The following IQCH variants were observed in gnomAD, a reference collection of about 807,000 sequenced individuals.
IQCH encodes the protein IQ motif containing H.
IQCH carries 98 observed loss-of-function variants against 117.0 expected under a neutral mutation model. The ratio of observed to expected loss-of-function variants is 0.84; its 90% CI spans 0.71 to 0.99. IQCH has a LOEUF of 0.99. Ranked by LOEUF, IQCH falls within the 50% of genes least tolerant of loss-of-function variation. IQCH has a pLI of 0.00. For synonymous variants in IQCH, 412 were observed against 448.2 expected, an observed-to-expected ratio of 0.92 and a Z score of 1.02; for missense variants, 1,102 against 1,243.8, an observed-to-expected ratio of 0.89 and a Z score of 1.72.
At chr15:67,274,352 C>G (rs1003880413) in intron 3 of IQCH, among the ~76,000 whole-genome samples, 1 of 152,042 alleles carries the variant, frequency 6.6e-6, no homozygotes, top group Non-Finnish European at 1.5e-5. Flanking sequence ...GATCTTCATT[C>G]CTTTTTATAT....
At chr15:67,317,247 C>T (rs1238250783) in intron 4 of IQCH, among the ~76,000 whole-genome samples, 3 of 152,128 alleles carry the variant, frequency 2.0e-5, no homozygotes, top group South Asian at 4.2e-4. Context: ...GAGTCTCACT[C>T]TGTAGCCCAG....
In IQCH at chr15:67,447,660, G is replaced by A. The variant is rs1450573215; in HGVS notation, c.2506-17467G>A. Among the ~76,000 whole-genome samples the A allele has an allele frequency of 1.3e-5, 2 of 152,146 alleles. No homozygotes were observed. Among genetic ancestry groups the A allele is most frequent in the African/African-American group, 4.8e-5 (2 of 41,414 alleles). The stretch of plus-strand genomic sequence containing the variant: ...AGTCCCCTGGGGTGAGCAACTGGAG[G>A]ACAGGAGAAGGTGGAAACATCTGGG... On this transcript the variant is annotated intron_variant, in intron 16 of 20. Coordinates refer to ENST00000335894, the MANE Select transcript of IQCH (RefSeq NM_001031715.3). This position sits in a 1 kb window ranked among gnomAD's most constrained non-coding sequence, Gnocchi z 5.3.
chr15:67,371,096 C>A (rs1291618590), intron 8 of IQCH, among the ~76,000 whole-genome samples: 1 of 152,096 alleles, frequency 6.6e-6, no homozygotes, highest in Admixed American at 6.6e-5. Context: ...CCTCACATAC[C>A]TAAGCAAGAA....
At chr15:67,273,406 A>G (rs1261727382) in intron 3 of IQCH, among the ~76,000 whole-genome samples, 1 of 152,092 alleles carries the variant, frequency 6.6e-6, no homozygotes, top group East Asian at 1.9e-4. Flanking sequence ...TTTTATTTCT[A>G]ATGTATCTGT....
chr15:67,415,297 G>T (rs1157538369), intron 14 of IQCH, among the ~76,000 whole-genome samples: 1 of 152,150 alleles, frequency 6.6e-6, no homozygotes, highest in Non-Finnish European at 1.5e-5. Context: ...CCTTGTCTCT[G>T]CATCACAAGA....
intron 4 of IQCH, among the ~76,000 whole-genome samples, chr15:67,300,456 T>C (rs915404297): frequency 1.3e-5 from 2 of 152,228 alleles, no homozygotes; most frequent in Non-Finnish European, 2.9e-5. Flanking sequence ...TCTATTGTTC[T>C]TCATATTACC....
At chr15:67,338,574 G>C (rs10163085) in intron 5 of IQCH, among the ~76,000 whole-genome samples, 3,177 of 152,218 alleles carry the variant, frequency 0.021, 45 homozygotes, top group Non-Finnish European at 0.032. Flanking sequence ...GATCTACACA[G>C]GTCCAGAATG....
In IQCH at chr15:67,387,258, C is replaced by T. The variant is rs902227830; in HGVS notation, c.1457-1573C>T. On this transcript the variant is annotated intron_variant, in intron 11 of 20. Transcript: ENST00000335894. This position sits in a 1 kb window ranked among gnomAD's most constrained non-coding sequence, Gnocchi z 4.8. ...CTTAAATATTCACATGTATGGAGCACCTGCTCTGGGCCTAGCTAGGTCACT... is the reference window on the plus strand; with the variant it reads ...CTTAAATATTCACATGTATGGAGCATCTGCTCTGGGCCTAGCTAGGTCACT... Among the ~76,000 whole-genome samples, 1 of 152,104 alleles carries T rather than the reference C, an allele frequency of 6.6e-6. No homozygotes were observed. Among genetic ancestry groups the T allele is most frequent in the Non-Finnish European group, 1.5e-5 (1 of 68,026 alleles).
intron 5 of IQCH, among the ~76,000 whole-genome samples, chr15:67,341,704 A>T (rs1969184658): frequency 6.6e-6 from 1 of 152,140 alleles, no homozygotes; most frequent in African/African-American, 2.4e-5. Flanking sequence ...ACACATGTCA[A>T]AGATTTTATT....
At chr15:67,389,640 T>C (rs1971220589) in intron 12 of IQCH, among the ~76,000 whole-genome samples, 1 of 152,200 alleles carries the variant, frequency 6.6e-6, no homozygotes, top group African/African-American at 2.4e-5. Context: ...CCCTACACTT[T>C]AACAAGAATT....
In IQCH at chr15:67,498,628, A is replaced by AAATT. The variant is rs60915720; in HGVS notation, c.2971-2005_2971-2004insAATT. On this transcript the variant is annotated intron_variant, in intron 20 of 20. Transcript: ENST00000335894. Reference sequence around the variant, plus strand: ...GAGATTCCGTCTCAAAAAAAAAAAAATAAGTTAAAATGGATCAAATATTTA... The same window carrying AAATT: ...GAGATTCCGTCTCAAAAAAAAAAAAAAATTTAAGTTAAAATGGATCAAATATTTA... 8.4e-3 allele frequency among the ~76,000 whole-genome samples: 1,255 copies of AAATT among 148,790 alleles called. 51 individuals carry two copies. Among genetic ancestry groups the AAATT allele is most frequent in the Admixed American group, 0.057 (853 of 14,952 alleles).
intron 14 of IQCH, among the ~76,000 whole-genome samples, chr15:67,414,615 C>G (rs2081528845): frequency 6.6e-6 from 1 of 150,744 alleles, no homozygotes; most frequent in African/African-American, 2.4e-5. Context: ...AGGGTTTTAC[C>G]TGCTCCTTCA....
chr15:67,372,175 A>T lies in IQCH; in HGVS notation c.818A>T (p.Tyr273Phe). 1 of 1,613,994 alleles carries T rather than the reference A, an allele frequency of 6.2e-7. No homozygotes were observed. Among genetic ancestry groups the T allele is most frequent in the South Asian group, 1.1e-5 (1 of 91,050 alleles). The change falls in exon 9 of 21, where the codon TAT (tyrosine) becomes TTT (phenylalanine). Residue 273 changes from tyrosine (Y) to phenylalanine (F), a missense_variant. Physicochemically the swap from Tyr to Phe is conservative, Grantham distance 22. This residue lies in a region of IQCH where 452 missense variants were observed against 449.6 expected (regional missense o/e 1.01). Coordinates refer to ENST00000335894, the MANE Select transcript of IQCH (RefSeq NM_001031715.3). ...KSLWDYDFLI[Y>F]DGVIDNTAPD... ...CTGTGGGATTATGACTTTTTAATTT[A>T]TGATGGTGTCATAGACAATACAGCC...
chr15:67,313,514 T>C (rs569550236), intron 4 of IQCH, among the ~76,000 whole-genome samples: 1 of 152,268 alleles, frequency 6.6e-6, no homozygotes, highest in African/African-American at 2.4e-5. Flanking sequence ...AGCCTTAAGA[T>C]AGGCCTTAGA....
chr15:67,371,155 A>G (rs1430378355), intron 8 of IQCH, among the ~76,000 whole-genome samples: 2 of 152,168 alleles, frequency 1.3e-5, no homozygotes, highest in African/African-American at 4.8e-5. Context: ...ACGAGAACTC[A>G]GGGCCTGAAA....
intron 4 of IQCH, chr15:67,307,173 C>T: frequency 1.0e-6 from 1 of 985,552 alleles, no homozygotes; most frequent in Non-Finnish European, 1.2e-6. Context: ...TAGAATTATA[C>T]CAGTTCTTTG....
At chr15:67,320,384 G>A (rs959219225) in intron 4 of IQCH, among the ~76,000 whole-genome samples, 5 of 151,694 alleles carry the variant, frequency 3.3e-5, no homozygotes, top group South Asian at 2.1e-4. Flanking sequence ...TAACTGAAAC[G>A]ACTACCATTT....
At chr15:67,297,990 A>G (rs1966867215) in intron 4 of IQCH, among the ~76,000 whole-genome samples, 1 of 152,148 alleles carries the variant, frequency 6.6e-6, no homozygotes, top group East Asian at 1.9e-4. Context: ...CTAGGAAAAA[A>G]AAATTCTAAT....
chr15:67,472,799 G>C lies in IQCH; in HGVS notation c.2677-2897G>C, dbSNP rs987407176. On this transcript the variant is annotated intron_variant, in intron 17 of 20. Coordinates refer to ENST00000335894, the MANE Select transcript of IQCH (RefSeq NM_001031715.3). This position sits in a 1 kb window ranked among gnomAD's most constrained non-coding sequence, Gnocchi z 4.3. Reference sequence around the variant, plus strand: ...TCTGGACTAGGATGGTGATGGTTATGGAAAAGAAGGTTGGGAGACATGTAC... The same window carrying C: ...TCTGGACTAGGATGGTGATGGTTATCGAAAAGAAGGTTGGGAGACATGTAC... 2.0e-5 allele frequency among the ~76,000 whole-genome samples: 3 copies of C among 152,226 alleles called. No individual in the cohort carries two copies. Among genetic ancestry groups the C allele is most frequent in the African/African-American group, 7.2e-5 (3 of 41,542 alleles).
Sources: gnomAD v4.1 joint callset for allele counts (sites outside exome capture counted in the v4.1 genomes callset) on GRCh38, gnomAD v4.1.1 for gene constraint, gnomAD v4.1.1 regional missense constraint, Gnocchi (gnomAD v3.1) non-coding constraint, MANE v1.5 for transcripts, NCBI Gene and HGNC (gene_info 2026-07-23, HGNC 2026-07-21) for gene names.